FANCI: variants seen among roughly 807,000 people sequenced by gnomAD.
FANCI encodes the protein FA complementation group I, also known as Fanconi anemia group I protein.
A neutral mutation model predicts 176.1 loss-of-function variants in FANCI; 156 were observed. The ratio of observed to expected loss-of-function variants is 0.89; its 90% CI spans 0.78 to 1.01. FANCI has a LOEUF of 1.01. Among genes scored for constraint, FANCI ranks in the 50% least tolerant of loss-of-function variants. FANCI has a pLI of 0.00. For synonymous variants in FANCI, 613 were observed against 541.7 expected, an observed-to-expected ratio of 1.13 and a Z score of -1.83; for missense variants, 1,678 against 1,534.1, an observed-to-expected ratio of 1.09 and a Z score of -1.57.
chr15:89,294,043 C>T (rs375391010), intron 23 of FANCI, 46 bp downstream of exon 23: 15 of 1,594,580 alleles, frequency 9.4e-6, no homozygotes, highest in South Asian at 8.8e-5. Context: ...CCCTGAGGAT[C>T]GTATACCTAC....
Position 89,281,240 on chromosome 15 carries a change from T to C in FANCI, c.1452T>C (p.Ala484=). The part of the protein sequence containing the change: ...LQSCSSKVTE[A]FDYLSFLPLQ... ...GTTGTTCTTCTAAAGTCACAGAAGC[T>C]TTTGACTATTTGTCCTTTCTGCCCC... Residue 484 remains alanine, a synonymous_variant, in exon 15 of 38, where the codon GCT becomes GCC. Coordinates refer to ENST00000310775, the MANE Select transcript of FANCI (RefSeq NM_001113378.2). The C allele has an allele frequency of 6.2e-7, 1 of 1,613,946 alleles. No homozygotes were observed.
chr15:89,306,489 C>T (rs183301443), intron 32 of FANCI, among the ~76,000 whole-genome samples: 21 of 152,028 alleles, frequency 1.4e-4, no homozygotes, highest in African/African-American at 3.9e-4. Flanking sequence ...GTCAGGAGTT[C>T]GAGACCAGCC....
At chr15:89,262,021 G>A (rs1347987652) in intron 6 of FANCI, 143 bp downstream of exon 6, 1 of 721,898 alleles carries the variant, frequency 1.4e-6, no homozygotes. Context: ...TATTTAGTCT[G>A]CAATGAATTA....
At chr15:89,304,671 G>A (rs1366395743) in intron 28 of FANCI, among the ~76,000 whole-genome samples, 1 of 152,138 alleles carries the variant, frequency 6.6e-6, no homozygotes, top group East Asian at 1.9e-4. Context: ...TGTAACACTG[G>A]GATGTTGTGC....
At chr15:89,296,962 G>C (rs1294016130) in intron 24 of FANCI, among the ~76,000 whole-genome samples, 5 of 140,972 alleles carry the variant, frequency 3.5e-5, no homozygotes, top group African/African-American at 8.7e-5. Flanking sequence ...CTGGCCGGGC[G>C]GGGGGCTGAC....
At chr15:89,307,291 C>G (rs1307778651) in intron 32 of FANCI, among the ~76,000 whole-genome samples, 185 bp from the exon 33 acceptor site, 1 of 152,174 alleles carries the variant, frequency 6.6e-6, no homozygotes, top group Non-Finnish European at 1.5e-5. Context: ...CCCTTCATTA[C>G]TTATTGTCTG....
chr15:89,290,113 C>A, intron 18 of FANCI, 100 bp from the exon 19 acceptor site: 2 of 974,292 alleles, frequency 2.1e-6, no homozygotes, highest in Non-Finnish European at 3.3e-6. Flanking sequence ...TAGGAAAAAA[C>A]TGAGAAGAGG....
intron 2 of FANCI, among the ~76,000 whole-genome samples, chr15:89,253,398 C>T (rs971001284): frequency 2.0e-5 from 3 of 152,164 alleles, no homozygotes; most frequent in East Asian, 1.9e-4. Context: ...CCTGTAATCC[C>T]AGCACTTTGG....
At position 89,247,067 on chromosome 15, in the gene FANCI, C is replaced by T. The variant is rs552692943; in HGVS notation, c.-19-562C>T. Among the ~76,000 whole-genome samples the T allele has an allele frequency of 3.4e-5, 5 of 146,846 alleles. No homozygotes were observed. The South Asian group carries it at 1.1e-3, about 31-fold the overall frequency. On this transcript the variant is annotated intron_variant, in intron 1 of 37. Coordinates refer to ENST00000310775, the MANE Select transcript of FANCI (RefSeq NM_001113378.2). The stretch of plus-strand genomic sequence containing the variant: ...TACAGGCATGAGCCACGGTGCCGGC[C>T]TCTTTTTTTTTTTTTTTTTAAGAGA...
Position 89,293,954 on chromosome 15 carries a change from T to C in FANCI, c.2413T>C (p.Leu805=), listed in dbSNP as rs777750890. 2.5e-6 allele frequency: 4 copies of C among 1,614,182 alleles called. No individual in the cohort carries two copies. Among genetic ancestry groups the C allele is most frequent in the Non-Finnish European group, 3.4e-6 (4 of 1,180,034 alleles). Residue 805 remains leucine, a synonymous_variant, in exon 23 of 38, where the codon TTG becomes CTG. Coordinates refer to ENST00000310775, the MANE Select transcript of FANCI (RefSeq NM_001113378.2). ...GGCCAACAAGACAAGTGATAGTCTT[T>C]TGTCCATGAAATTTGTGTCCAGTCT... ...KMANKTSDSL[L]SMKFVSSLLT...
chr15:89,291,721 C>A lies in FANCI; in HGVS notation c.1992+7C>A. On this transcript the variant is annotated splice_region_variant and intron_variant, in intron 20 of 37. Coordinates refer to ENST00000310775, the MANE Select transcript of FANCI (RefSeq NM_001113378.2). ...CTCTCTACAAGAACCACTGGTGAGA[C>A]TTTTATTCTTCCTTCAACCATTATT... The A allele has an allele frequency of 6.2e-7, 1 of 1,601,282 alleles. No homozygotes were observed. The highest frequency in any genetic ancestry group is 8.6e-7 in the Non-Finnish European group (1 of 1,168,612).
chr15:89,293,874 AC>A lies in FANCI; in HGVS notation c.2334del (p.Tyr778Ter). The A allele has an allele frequency of 1.9e-6, 3 of 1,614,190 alleles. No individual in the cohort carries two copies. Among genetic ancestry groups the A allele is most frequent in the Non-Finnish European group, 2.5e-6 (3 of 1,180,022 alleles). ...FEDILSLFMC[Y>X]KKLSDILNEK... ...GACATTCTGAGCTTATTTATGTGTTACAAAAAACTCTCTGACATTCTTAATG... is the reference window on the plus strand; with the variant it reads ...GACATTCTGAGCTTATTTATGTGTTAAAAAAACTCTCTGACATTCTTAATG... On this transcript the variant is annotated frameshift_variant, in exon 23 of 38. Transcript: ENST00000310775. LOFTEE classifies it high-confidence loss of function.
Position 89,264,564 on chromosome 15 carries a change from A to C in FANCI, c.712A>C (p.Ser238Arg). Residue 238 changes from serine to arginine, a missense_variant, in exon 9 of 38, where the codon AGT becomes CGT. Coordinates refer to ENST00000310775, the MANE Select transcript of FANCI (RefSeq NM_001113378.2). ...SVLEGIIAFFSALDKQHNEEQ... is the reference protein window; with the variant it reads ...SVLEGIIAFFRALDKQHNEEQ... The stretch of plus-strand genomic sequence containing the variant: ...TTTGGAAGGAATCATAGCCTTCTTC[A>C]GTGCACTAGATAAGCAGCACAATGA... 6.2e-7 allele frequency: 1 copy of C among 1,613,934 alleles called. No individual in the cohort carries two copies. Among genetic ancestry groups the C allele is most frequent in the Non-Finnish European group, 8.5e-7 (1 of 1,179,890 alleles).
At chr15:89,249,938 A>G (rs1250764715) in intron 2 of FANCI, among the ~76,000 whole-genome samples, 1 of 152,230 alleles carries the variant, frequency 6.6e-6, no homozygotes, top group East Asian at 1.9e-4. Flanking sequence ...TGTTCATAAA[A>G]ATTAATCACA....
At chr15:89,307,842 G>A in intron 34 of FANCI, 170 bp downstream of exon 34, 2 of 1,489,428 alleles carry the variant, frequency 1.3e-6, no homozygotes, top group Non-Finnish European at 8.9e-7. Flanking sequence ...TTGCAGCAAG[G>A]ACATCTTTAT....
chr15:89,290,788 CT>C (rs1348582476), intron 19 of FANCI, among the ~76,000 whole-genome samples: 1 of 152,060 alleles, frequency 6.6e-6, no homozygotes, highest in Non-Finnish European at 1.5e-5. Context: ...CTTTAGACCC[CT>C]AGTCTATCAT....
chr15:89,279,199 G>T (rs964236373), intron 14 of FANCI, among the ~76,000 whole-genome samples: 1 of 152,006 alleles, frequency 6.6e-6, no homozygotes, highest in Admixed American at 6.6e-5. Context: ...GTTTCACTCT[G>T]TTGCCTGGAG....
chr15:89,254,207 A>G (rs143110797), intron 2 of FANCI, among the ~76,000 whole-genome samples: 105 of 152,162 alleles, frequency 6.9e-4, no homozygotes, highest in African/African-American at 2.4e-3. Flanking sequence ...AAAAATAAAT[A>G]AATAAATTTT....
In FANCI at chr15:89,260,647, C is replaced by T. The variant is rs1320873773; in HGVS notation, c.158-66C>T. ...TTTTGTATTTAACTACAAACCTGTTCGTTTTTCCTATTTACCTGTCAATGT... is the reference window on the plus strand; with the variant it reads ...TTTTGTATTTAACTACAAACCTGTTTGTTTTTCCTATTTACCTGTCAATGT... On this transcript the variant is annotated intron_variant, in intron 3 of 37. Transcript: ENST00000310775. 5.0e-6 allele frequency: 8 copies of T among 1,589,874 alleles called. No individual in the cohort carries two copies. The East Asian group carries it at 6.8e-5, about 13-fold the overall frequency.
Sources: allele counts gnomAD v4.1 joint callset (sites outside exome capture counted in the v4.1 genomes callset), GRCh38; gene constraint gnomAD v4.1.1; transcripts MANE v1.5; gene names NCBI Gene and HGNC (gene_info 2026-07-23, HGNC 2026-07-21).